The following SLC25A28 variants were observed in gnomAD, a reference collection of about 807,000 sequenced individuals.
SLC25A28 encodes solute carrier family 25 member 28, also known as mitoferrin-2.
In SLC25A28, 10 loss-of-function variants were observed where a neutral mutation model predicts 31.9. That is an observed-to-expected ratio of 0.31 (90% CI 0.19 to 0.53). SLC25A28 has a LOEUF of 0.53. SLC25A28 is among the 20% of genes least tolerant of loss of function. SLC25A28 has a pLI of 0.95. For synonymous variants in SLC25A28, 208 were observed against 203.6 expected (o/e 1.02, Z -0.19); for missense variants, 256 against 490.3 (o/e 0.52, Z 4.51).
upstream of SLC25A28, chr10:99,621,211 T>C (rs2297448): frequency 0.85 from 131,557 of 155,152 alleles, 55,974 homozygotes; most frequent in Middle Eastern, 0.92. Context: ...CTGGCCGGAC[T>C]CGGTGCTCCT....
At chr10:99,651,023 C>A in the SLC25A28 span, among the ~76,000 whole-genome samples, 1 of 152,178 alleles carries the variant, frequency 6.6e-6, no homozygotes, top group Non-Finnish European at 1.5e-5. Flanking sequence ...TCTTGCACAG[C>A]CAAGATCATA....
chr10:99,651,855 T>C, the SLC25A28 span: 3 of 152,162 alleles, frequency 2.0e-5, no homozygotes, highest in African/African-American at 7.2e-5. Context: ...AGAGCTGAGA[T>C]TACAGGCATG....
At chr10:99,653,508 T>C in the SLC25A28 span, among the ~76,000 whole-genome samples, 16 of 152,134 alleles carry the variant, frequency 1.1e-4, no homozygotes, top group Non-Finnish European at 1.5e-4. Flanking sequence ...CCCACAGAAA[T>C]TGTGAGAGAT....
At chr10:99,650,094 A>T in the SLC25A28 span, among the ~76,000 whole-genome samples, 1 of 152,076 alleles carries the variant, frequency 6.6e-6, no homozygotes, top group Non-Finnish European at 1.5e-5. Flanking sequence ...CCCTCTTAGG[A>T]TTGCTTTTGC....
the SLC25A28 span, among the ~76,000 whole-genome samples, chr10:99,654,819 T>C: frequency 6.6e-6 from 1 of 152,230 alleles, no homozygotes; most frequent in Non-Finnish European, 1.5e-5. Flanking sequence ...AATCATAACA[T>C]GCATCCAGAG....
chr10:99,638,346 A>G, the SLC25A28 span, among the ~76,000 whole-genome samples: 1 of 152,238 alleles, frequency 6.6e-6, no homozygotes, highest in Non-Finnish European at 1.5e-5. Flanking sequence ...TATAGAAGAT[A>G]ACATTGGACA....
At chr10:99,633,770 C>T in the SLC25A28 span, among the ~76,000 whole-genome samples, 1 of 152,036 alleles carries the variant, frequency 6.6e-6, no homozygotes, top group Non-Finnish European at 1.5e-5. Context: ...GGGCACCACT[C>T]GCCGCAGATT....
At chr10:99,637,308 T>C in the SLC25A28 span, among the ~76,000 whole-genome samples, 1 of 152,152 alleles carries the variant, frequency 6.6e-6, no homozygotes, top group Non-Finnish European at 1.5e-5. Context: ...AAAAGCCATC[T>C]ATGACAAACC....
At chr10:99,624,577 G>A (rs1001567550), upstream of SLC25A28, among the ~76,000 whole-genome samples, 3 of 152,212 alleles carry the variant, frequency 2.0e-5, no homozygotes, top group Non-Finnish European at 4.4e-5. Flanking sequence ...GCTCATGCTT[G>A]TAATCCCAGC....
the SLC25A28 span, among the ~76,000 whole-genome samples, chr10:99,635,725 C>T: frequency 7.3e-5 from 11 of 150,708 alleles, no homozygotes; most frequent in Admixed American, 2.6e-4. Flanking sequence ...CTTCAGGAGA[C>T]TCACCTAACA....
At chr10:99,615,200 C>T (rs1230877252) in intron 1 of SLC25A28, among the ~76,000 whole-genome samples, 1 of 151,840 alleles carries the variant, frequency 6.6e-6, no homozygotes. Context: ...ATTAAAAATA[C>T]AAAAAAATTA....
chr10:99,614,627 G>A (rs2034605050), intron 1 of SLC25A28, among the ~76,000 whole-genome samples: 1 of 152,164 alleles, frequency 6.6e-6, no homozygotes, highest in South Asian at 2.1e-4. Flanking sequence ...CAGTCTCAGT[G>A]AAACATAATC....
the SLC25A28 span, among the ~76,000 whole-genome samples, chr10:99,641,675 T>C: frequency 1.3e-5 from 2 of 152,210 alleles, no homozygotes; most frequent in South Asian, 4.1e-4. Context: ...GCCTAGGTTT[T>C]CTTCTAGGGT....
the SLC25A28 span, among the ~76,000 whole-genome samples, chr10:99,657,910 G>A: frequency 6.6e-6 from 1 of 152,118 alleles, no homozygotes; most frequent in Non-Finnish European, 1.5e-5. Context: ...TCCTGGCCAG[G>A]TGCAGCTGCT....
chr10:99,638,671 A>G, the SLC25A28 span, among the ~76,000 whole-genome samples: 8 of 152,236 alleles, frequency 5.3e-5, no homozygotes, highest in East Asian at 1.5e-3. Context: ...AATGGCCAAC[A>G]AACATATGAA....
At position 99,612,553 on chromosome 10, in the gene SLC25A28, G is replaced by A. The variant is rs185246103; in HGVS notation, c.567C>T (p.Asn189=). 2 of 1,614,138 alleles carry A rather than the reference G, an allele frequency of 1.2e-6. No homozygotes were observed. The highest frequency in any genetic ancestry group is 1.7e-6 in the Non-Finnish European group (2 of 1,180,010). Residue 189 remains asparagine, a synonymous_variant, in exon 3 of 4, where the codon AAC becomes AAT. Transcript: ENST00000370495. ...TTGAGGAATCATTACCTTCCGCAGG[G>A]TTCATGGCTGCATCATGAAGTAATG... The part of the protein sequence containing the change: ...VATLLHDAAM[N]PAEVVKQRMQ...
chr10:99,658,110 T>C, the SLC25A28 span, among the ~76,000 whole-genome samples: 1 of 152,008 alleles, frequency 6.6e-6, no homozygotes, highest in Non-Finnish European at 1.5e-5. Context: ...GATCGCTTGC[T>C]CAGGAGGTCG....
chr10:99,618,899 T>C, intron 1 of SLC25A28: 1 of 985,442 alleles, frequency 1.0e-6, no homozygotes, highest in Non-Finnish European at 1.2e-6. Context: ...CATAACACTT[T>C]CCTGATTTGA....
rs527810949 is a variant in SLC25A28 at position 99,615,322 on chromosome 10, C to T, written c.292-1398G>A. On this transcript the variant is annotated intron_variant, in intron 1 of 3. Coordinates refer to ENST00000370495, the MANE Select transcript of SLC25A28 (RefSeq NM_031212.4). ...GCCTTCGCTGGTTTGAGCCACTGCA[C>T]GGCAGCCTGGGCAACAAGAGCAAAA... The T allele has an allele frequency of 3.6e-5, 31 of 855,568 alleles. No homozygotes were observed. The East Asian group carries it at 2.1e-3, about 59-fold the overall frequency. The allele number at this position is 855,568 out of a possible 1,614,324, so 53.0% of individuals were successfully genotyped here. A position where few individuals can be genotyped will look rare whatever the true frequency, so the allele number is the denominator to read the frequency against.
Sources: gnomAD v4.1 joint callset for allele counts (sites outside exome capture counted in the v4.1 genomes callset) on GRCh38, gnomAD v4.1.1 for gene constraint, MANE v1.5 for transcripts, NCBI Gene and HGNC (gene_info 2026-07-23, HGNC 2026-07-21) for gene names.